The following CALCOCO1 variants were observed in gnomAD, a reference collection of about 807,000 sequenced individuals.
The protein encoded by CALCOCO1 is calcium binding and coiled-coil domain 1.
A neutral mutation model predicts 86.3 loss-of-function variants in CALCOCO1; 44 were observed. That is an observed-to-expected ratio of 0.51 (90% confidence interval 0.40 to 0.66). The LOEUF is 0.66. Ranked by LOEUF, CALCOCO1 falls within the 30% of genes least tolerant of loss-of-function variation. The pLI is 0.00. For missense variants in CALCOCO1, 708 were observed against 851.1 expected (o/e 0.83, Z 2.09); for synonymous variants, 297 against 327.6 (o/e 0.91, Z 1.01).
chr12:53,714,235 G>C lies in CALCOCO1; in HGVS notation c.1489C>G (p.Leu497Val), dbSNP rs773422191. 6.2e-7 allele frequency: 1 copy of C among 1,612,116 alleles called. No homozygotes were observed. Among genetic ancestry groups the C allele is most frequent in the South Asian group, 1.1e-5 (1 of 91,022 alleles). The change falls in exon 12 of 15, where the codon CTA becomes GTA. Residue 497 changes from leucine to valine, a missense_variant. Physicochemically the swap from Leu to Val is conservative, Grantham distance 32. Coordinates refer to ENST00000550804, the MANE Select transcript of CALCOCO1 (RefSeq NM_020898.3). The stretch of plus-strand genomic sequence containing the variant: ...GCCTCTAGCTTTCTCATGTACTCTA[G>C]CAATTCCTGGAATTGGGAAGGAAAA... ...EQLQEEKQEL[L>V]EYMRKLEARL...
intron 6 of CALCOCO1, among the ~76,000 whole-genome samples, chr12:53,720,555 T>C (rs1352709772): frequency 6.6e-6 from 1 of 152,238 alleles, no homozygotes; most frequent in Admixed American, 6.5e-5. Flanking sequence ...TTCTAACCTA[T>C]GACTTAGAAT....
chr12:53,713,701 C>A lies in CALCOCO1; in HGVS notation c.1791G>T (p.Ser597=). The A allele has an allele frequency of 6.5e-7, 1 of 1,531,020 alleles. No individual in the cohort carries two copies. Among genetic ancestry groups the A allele is most frequent in the South Asian group, 1.3e-5 (1 of 76,244 alleles). 94.8% of individuals were successfully genotyped at this position (1,531,020 alleles called of 1,614,324 possible). The change falls in exon 13 of 15, where the codon TCG becomes TCT. Residue 597 remains serine (S), a splice_region_variant and synonymous_variant. Transcript: ENST00000550804. ...CTGCACAGGCTCCTCCACTGCTCAC[C>A]GAGTCAGAGCTACTGTCCTCAGCTG... ...SGPAEDSSSD[S]EAEDEKSVLM... is the part of the protein sequence containing the mutation.
At position 53,724,664 on chromosome 12, in the gene CALCOCO1, G is replaced by A. The variant is rs1237640968; in HGVS notation, c.240C>T (p.His80=). The A allele has an allele frequency of 3.7e-6, 6 of 1,613,814 alleles. No individual in the cohort carries two copies. Among genetic ancestry groups the A allele is most frequent in the Non-Finnish European group, 5.1e-6 (6 of 1,179,862 alleles). The change falls in exon 3 of 15, where the codon CAC becomes CAT. Residue 80 remains histidine, a synonymous_variant. Transcript: ENST00000550804. ...PESTTDGSPI[H]TSVQFQASYL... Reference sequence around the variant, plus strand: ...TTGTACCTTGGAACTGGACACTGGTGTGAATGGGGGAACCATCAGTTGTAC... The same window carrying A: ...TTGTACCTTGGAACTGGACACTGGTATGAATGGGGGAACCATCAGTTGTAC...
At chr12:53,715,477 C>A in intron 9 of CALCOCO1, 152 bp from the exon 10 acceptor site, 1 of 1,072,808 alleles carries the variant, frequency 9.3e-7, no homozygotes. Context: ...TTCCTATACC[C>A]TCTGAATGAA....
intron 3 of CALCOCO1, 29 bp downstream of exon 3, chr12:53,724,616 C>A: frequency 3.2e-6 from 5 of 1,572,166 alleles, no homozygotes; most frequent in Admixed American, 1.7e-5. Flanking sequence ...CTTGGCTCCT[C>A]TCTCCCAATT....
Position 53,725,281 on chromosome 12 carries a change from G to C in CALCOCO1, c.-24-15C>G. 6.6e-7 allele frequency: 1 copy of C among 1,526,578 alleles called. No individual in the cohort carries two copies. The highest frequency in any genetic ancestry group is 8.8e-7 in the Non-Finnish European group (1 of 1,134,116). 94.6% of individuals were successfully genotyped at this position (1,526,578 alleles called of 1,614,324 possible). Reference sequence around the variant, plus strand: ...TATCTGTCCTCCTATGAAAGAAAGGGTTGATAGCCTAAAGTCTTTCCAGTC... The same window carrying C: ...TATCTGTCCTCCTATGAAAGAAAGGCTTGATAGCCTAAAGTCTTTCCAGTC... On this transcript the variant is annotated splice_polypyrimidine_tract_variant and intron_variant, in intron 1 of 14. Coordinates refer to ENST00000550804, the MANE Select transcript of CALCOCO1 (RefSeq NM_020898.3).
At chr12:53,723,494 T>C in intron 4 of CALCOCO1, 99 bp downstream of exon 4, 1 of 1,272,384 alleles carries the variant, frequency 7.9e-7, no homozygotes, top group African/African-American at 1.5e-5. Flanking sequence ...GGTCTTTAGT[T>C]GGCGCCACAG....
rs537846326 is a variant in CALCOCO1 at position 53,718,591 on chromosome 12, C to T, written c.849+1148G>A. ...TCACCCAGGCTGAAGTTCAGGGGTG[C>T]GATCACAGCACACTGCAGCCTTGAC... On this transcript the variant is annotated intron_variant, in intron 7 of 14. Coordinates refer to ENST00000550804, the MANE Select transcript of CALCOCO1 (RefSeq NM_020898.3). Among the ~76,000 whole-genome samples, 8 of 152,134 alleles carry T rather than the reference C, an allele frequency of 5.3e-5. No homozygotes were observed. The South Asian group carries it at 8.3e-4, about 16-fold the overall frequency.
intron 3 of CALCOCO1, chr12:53,724,294 A>G (rs926898287): frequency 2.7e-6 from 1 of 377,064 alleles, no homozygotes; most frequent in African/African-American, 2.1e-5. Context: ...AATTTGCCCA[A>G]GGCCAAACAG....
At position 53,722,075 on chromosome 12, in the gene CALCOCO1, C is replaced by T. The variant is rs1945887402; in HGVS notation, c.559G>A (p.Ala187Thr). Residue 187 changes from alanine to threonine, a missense_variant, in exon 5 of 15, where the codon GCT (alanine) becomes ACT (threonine). Coordinates refer to ENST00000550804, the MANE Select transcript of CALCOCO1 (RefSeq NM_020898.3). ...TGCTCCTGCCTGGCAGTTGCCAGAG[C>T]CCTCTCGAGCTCCTGCACTCGGCTC... ...LRSRVQELER[A>T]LATARQEHTE... is the part of the protein sequence containing the mutation. The T allele has an allele frequency of 6.2e-7, 1 of 1,613,766 alleles. No individual in the cohort carries two copies. Among genetic ancestry groups the T allele is most frequent in the Admixed American group, 1.7e-5 (1 of 60,012 alleles).
At chr12:53,726,844 C>A (rs1378597117) in intron 1 of CALCOCO1, among the ~76,000 whole-genome samples, 4 of 152,126 alleles carry the variant, frequency 2.6e-5, no homozygotes. Flanking sequence ...CTAAAATACA[C>A]CCCACAAAGA....
At chr12:53,712,823 A>G (rs1311733003) in intron 14 of CALCOCO1, 3 of 1,414,584 alleles carry the variant, frequency 2.1e-6, no homozygotes, top group Non-Finnish European at 2.8e-6. Context: ...AAGCAGGGCA[A>G]TTTGGGCTCT....
At chr12:53,727,194 A>AGGGGGCGCCCCCCACCCCCAAG (rs1946061150) in intron 1 of CALCOCO1, among the ~76,000 whole-genome samples, 1 of 152,246 alleles carries the variant, frequency 6.6e-6, no homozygotes, top group Admixed American at 6.5e-5. Context: ...GAGGACGACG[A>AGGGGGCGCCCCCCACCCCCAAG]GGGGGCGCCC....
chr12:53,716,961 T>C (rs1221999016), intron 7 of CALCOCO1, among the ~76,000 whole-genome samples: 2 of 152,246 alleles, frequency 1.3e-5, no homozygotes, highest in African/African-American at 2.4e-5. Context: ...CAGACTCTGG[T>C]CATTTCTTGC....
rs1241549556 is a variant in CALCOCO1 at position 53,709,283 on chromosome 12, G to T, written c.*2661C>A. ...GTAGGAAAGAGAACTAGAATTGGAA[G>T]CTGGCTGCCCCTGGGTTTCCCCCAG... On this transcript the variant is annotated 3_prime_UTR_variant, in exon 15 of 15. Coordinates refer to ENST00000550804, the MANE Select transcript of CALCOCO1 (RefSeq NM_020898.3). The T allele has an allele frequency of 6.6e-6, 1 of 152,282 alleles. No homozygotes were observed. The highest frequency in any genetic ancestry group is 2.4e-5 in the African/African-American group (1 of 41,452). 9.4% of individuals were successfully genotyped at this position (152,282 alleles called of 1,614,324 possible).
In CALCOCO1 at chr12:53,719,144, C is replaced by T. The variant is rs1945804601; in HGVS notation, c.849+595G>A. The stretch of plus-strand genomic sequence containing the variant: ...ACAGGCATGAGCCACTGTGCCTGGC[C>T]TCCACACCCATTTTAAAAAGACTTT... On this transcript the variant is annotated intron_variant, in intron 7 of 14. Coordinates refer to ENST00000550804, the MANE Select transcript of CALCOCO1 (RefSeq NM_020898.3). Among the ~76,000 whole-genome samples the T allele has an allele frequency of 4.0e-5, 6 of 151,792 alleles. No homozygotes were observed. In the South Asian group the frequency reaches 1.3e-3, roughly 32 times the overall value.
intron 11 of CALCOCO1, 24 bp downstream of exon 11, chr12:53,714,574 G>A (rs1052601533): frequency 7.0e-6 from 11 of 1,579,642 alleles, no homozygotes; most frequent in African/African-American, 2.7e-5. Context: ...TGGCATCCAC[G>A]GGGCCTGGGT....
intron 8 of CALCOCO1, 81 bp from the exon 9 acceptor site, chr12:53,716,128 C>T: frequency 1.9e-6 from 3 of 1,589,496 alleles, no homozygotes; most frequent in Non-Finnish European, 2.6e-6. Flanking sequence ...CCCTCCACTC[C>T]ACTGCATTAG....
chr12:53,723,746 C>T lies in CALCOCO1; in HGVS notation c.297G>A (p.Gln99=), dbSNP rs1440221778. Residue 99 remains glutamine, a synonymous_variant, in exon 4 of 15, where the codon CAG becomes CAA. Coordinates refer to ENST00000550804, the MANE Select transcript of CALCOCO1 (RefSeq NM_020898.3). The part of the protein sequence containing the change: ...YLPKPGAQLY[Q]FRYVNRQGQV... ...GGCCCTGGCGGTTCACATATCGGAA[C>T]TGGTAGAGCTGAGCTCCTGGTTTGG... is the stretch of plus-strand genomic sequence containing the variant. The T allele has an allele frequency of 3.0e-5, 49 of 1,613,920 alleles. No homozygotes were observed. Among genetic ancestry groups the T allele is most frequent in the Non-Finnish European group, 4.1e-5 (48 of 1,179,932 alleles).
Sources: allele counts gnomAD v4.1 joint callset (sites outside exome capture counted in the v4.1 genomes callset), GRCh38; gene constraint gnomAD v4.1.1; transcripts MANE v1.5; gene names NCBI Gene and HGNC (gene_info 2026-07-23, HGNC 2026-07-21).